RAPGEF3: variants seen among roughly 807,000 people sequenced by gnomAD.
RAPGEF3 encodes 9330170P05Rik.
Under a neutral mutation model 129.8 loss-of-function variants are expected in RAPGEF3, and 103 were observed. The ratio of observed to expected loss-of-function variants is 0.79; its 90% CI spans 0.68 to 0.93. The LOEUF is 0.93. RAPGEF3 is among the 40% of genes least tolerant of loss of function. RAPGEF3 has a pLI of 0.00. For missense variants in RAPGEF3, 1,117 were observed against 1,207.4 expected (o/e 0.93, Z 1.11); for synonymous variants, 436 against 482.6 (o/e 0.90, Z 1.26).
intron 16 of RAPGEF3, chr12:47,745,436 CA>C (rs1941374092): frequency 6.6e-6 from 1 of 152,422 alleles, no homozygotes; most frequent in Non-Finnish European, 1.5e-5. Flanking sequence ...GTCCTTGGCC[CA>C]GGGGGCCCTG....
At chr12:47,757,011 C>T (rs11168227) in intron 2 of RAPGEF3, among the ~76,000 whole-genome samples, 27,177 of 151,786 alleles carry the variant, frequency 0.18, 3,017 homozygotes, top group Admixed American at 0.33. Context: ...TGAACTCTCC[C>T]GGCCAAGCGC....
intron 2 of RAPGEF3, among the ~76,000 whole-genome samples, chr12:47,754,624 AG>A (rs1941947066): frequency 6.6e-6 from 1 of 152,250 alleles, no homozygotes; most frequent in Non-Finnish European, 1.5e-5. Context: ...AGGATCAAAA[AG>A]TTAATAATAT....
chr12:47,751,875 T>C, intron 3 of RAPGEF3, 41 bp downstream of exon 3: 1 of 1,614,090 alleles, frequency 6.2e-7, no homozygotes, highest in Non-Finnish European at 8.5e-7. Flanking sequence ...GAACCCCTCA[T>C]GGTGCTGCCT....
At position 47,749,969 on chromosome 12, in the gene RAPGEF3, C is replaced by T. The variant is rs767683493; in HGVS notation, c.778G>A (p.Val260Ile). 11 of 1,614,258 alleles carry T rather than the reference C, an allele frequency of 6.8e-6. No individual in the cohort carries two copies. In the Admixed American group the frequency reaches 1.5e-4, roughly 22 times the overall value. ...SNSVKRELAA[V>I]LLFEPHSKAG... ...TTGCTGTGTGGTTCAAAGAGCAGAA[C>T]AGCCGCTAATTCTCGCTTCACCTGT... Residue 260 changes from valine to isoleucine, a missense_variant, in exon 8 of 28, where the codon GTT (valine) becomes ATT (isoleucine). Around this residue, in one of 3 missense-constraint regions of RAPGEF3, gnomAD observed 367 missense variants for 373.4 expected, o/e 0.98. Transcript: ENST00000449771. This position sits in a 1 kb window ranked among gnomAD's most constrained non-coding sequence, Gnocchi z 4.5.
At chr12:47,747,662 C>T in intron 14 of RAPGEF3, 36 bp from the exon 15 acceptor site, 1 of 1,612,930 alleles carries the variant, frequency 6.2e-7, no homozygotes, top group Non-Finnish European at 8.5e-7. Flanking sequence ...ATGGCTGTAG[C>T]TGCATCCACC....
In RAPGEF3 at chr12:47,758,087, C is replaced by G. The variant is rs567409968; in HGVS notation, c.7-9G>C. On this transcript the variant is annotated splice_polypyrimidine_tract_variant and intron_variant, in intron 1 of 27. Coordinates refer to ENST00000449771, the MANE Select transcript of RAPGEF3 (RefSeq NM_001098531.4). ...TCACCTGGCCAGCCCACCTGTGACA[C>G]GGGGAGGAAAGTGGACAGCCATGGG... The G allele has an allele frequency of 5.8e-6, 9 of 1,556,542 alleles. No homozygotes were observed. In the East Asian group the frequency reaches 2.1e-4, roughly 37 times the overall value.
intron 2 of RAPGEF3, among the ~76,000 whole-genome samples, chr12:47,757,031 C>T (rs1056817598): frequency 6.6e-5 from 10 of 151,734 alleles, no homozygotes; most frequent in Admixed American, 2.0e-4. Context: ...CAGTGGGTCA[C>T]GCCTGTAATA....
rs1555187324 is a variant in RAPGEF3, at chr12:47,737,554, T to C, written c.*13A>G. 2.5e-6 allele frequency: 4 copies of C among 1,608,604 alleles called. No homozygotes were observed. Among genetic ancestry groups the C allele is most frequent in the Non-Finnish European group, 2.5e-6 (3 of 1,177,314 alleles). ...CTGCAAGTGCCTGCTCCAGCTCCAG[T>C]CCCAGCCCCTCCTCATGGCTCCAGC... On this transcript the variant is annotated 3_prime_UTR_variant, in exon 28 of 28. Transcript: ENST00000449771.
At chr12:47,756,697 G>A (rs569132787) in intron 2 of RAPGEF3, among the ~76,000 whole-genome samples, 1 of 152,314 alleles carries the variant, frequency 6.6e-6, no homozygotes, top group African/African-American at 2.4e-5. Context: ...TCGGCTAGGC[G>A]CAATGGCTCA....
chr12:47,741,360 C>T (rs1438457418), intron 19 of RAPGEF3, 145 bp downstream of exon 19: 19 of 796,118 alleles, frequency 2.4e-5, no homozygotes, highest in Non-Finnish European at 3.8e-5. Context: ...CAGCTGAGGC[C>T]CACTCCTTTG....
At position 47,735,171 on chromosome 12, in the gene RAPGEF3, C is replaced by T. The variant is rs1305854329; in HGVS notation, c.*2396G>A. 2 of 152,362 alleles carry T rather than the reference C, an allele frequency of 1.3e-5. No homozygotes were observed. The highest frequency in any genetic ancestry group is 2.4e-5 in the African/African-American group (1 of 41,536). 9.4% of individuals were successfully genotyped at this position (152,362 alleles called of 1,614,324 possible). ...TTGACCTCCTTTCAGGTAACAGAGG[C>T]TTTTTAAAGGACTGATCTAGGGCCA... On this transcript the variant is annotated 3_prime_UTR_variant, in exon 28 of 28. Transcript: ENST00000449771.
chr12:47,758,759 A>C lies in RAPGEF3; in HGVS notation c.-203T>G. On this transcript the variant is annotated 5_prime_UTR_variant, in exon 1 of 28. Transcript: ENST00000449771. The stretch of plus-strand genomic sequence containing the variant: ...GTGGAGAGGCTCCTCTTGGGTGAGT[A>C]GAGGGGTGGGGGCGTGGTGGGGGGA... 2 of 1,117,658 alleles carry C rather than the reference A, an allele frequency of 1.8e-6. No individual in the cohort carries two copies. The highest frequency in any genetic ancestry group is 2.2e-6 in the Non-Finnish European group (2 of 907,144). 69.2% of individuals were successfully genotyped at this position (1,117,658 alleles called of 1,614,324 possible).
chr12:47,751,309 C>T, intron 5 of RAPGEF3, 90 bp downstream of exon 5: 2 of 1,578,560 alleles, frequency 1.3e-6, no homozygotes, highest in Non-Finnish European at 1.7e-6. Flanking sequence ...CAGCACTCCC[C>T]AAGTAGTGCC....
chr12:47,749,747 A>G lies in RAPGEF3; in HGVS notation c.888T>C (p.His296=), dbSNP rs1941635137. The G allele has an allele frequency of 6.2e-7, 1 of 1,614,186 alleles. No individual in the cohort carries two copies. The highest frequency in any genetic ancestry group is 8.5e-7 in the Non-Finnish European group (1 of 1,180,028). Residue 296 remains histidine (H), a synonymous_variant, in exon 9 of 28, where the codon CAT becomes CAC. Transcript: ENST00000449771. This position sits in a 1 kb window ranked among gnomAD's most constrained non-coding sequence, Gnocchi z 4.5. ...GGGAGGAGGGAGGGCTCACCTTGCC[A>G]TGGGTCACCACGTTGACAGATCCCT... ...IWKGSVNVVT[H]GKGLVTTLHE... is the part of the protein sequence containing the mutation.
intron 13 of RAPGEF3, 25 bp downstream of exon 13, chr12:47,748,049 C>T: frequency 1.3e-6 from 2 of 1,563,240 alleles, no homozygotes; most frequent in Non-Finnish European, 1.7e-6. Flanking sequence ...CCATGCACAC[C>T]ATCCCCCTGG....
At chr12:47,755,739 G>A (rs1301874795) in intron 2 of RAPGEF3, 1 of 152,236 alleles carries the variant, frequency 6.6e-6, no homozygotes, top group Non-Finnish European at 1.5e-5. Context: ...CTTCTTCTCT[G>A]GGAGGTTGAT....
intron 2 of RAPGEF3, among the ~76,000 whole-genome samples, chr12:47,755,360 A>G (rs143082082): frequency 2.0e-5 from 3 of 152,358 alleles, no homozygotes; most frequent in Admixed American, 6.5e-5. Context: ...TGTCTGGCAC[A>G]TAAGTACTGT....
At position 47,734,721 on chromosome 12, in the gene RAPGEF3, G is replaced by T. The variant is rs2240080; in HGVS notation, c.*2846C>A. 33,409 of 152,252 alleles carry T rather than the reference G, an allele frequency of 0.22. 4,470 individuals are homozygous for T. Among genetic ancestry groups the T allele is most frequent in the Middle Eastern group, 0.31 (91 of 294 alleles). 9.4% of individuals were successfully genotyped at this position (152,252 alleles called of 1,614,324 possible). ...GGTAAATCTTGTGACTATTGGGAAG[G>T]AGAGCAGCCAGAGGCTGAGGGCTGT... is the stretch of plus-strand genomic sequence containing the variant. On this transcript the variant is annotated 3_prime_UTR_variant, in exon 28 of 28. Coordinates refer to ENST00000449771, the MANE Select transcript of RAPGEF3 (RefSeq NM_001098531.4).
Position 47,758,649 on chromosome 12 carries a change from G to A in RAPGEF3, c.-93C>T, listed in dbSNP as rs78616585. 146,741 of 1,586,344 alleles carry A rather than the reference G, an allele frequency of 0.093. 7,609 individuals are homozygous for A. Among genetic ancestry groups the A allele is most frequent in the Middle Eastern group, 0.14 (849 of 5,916 alleles). The stretch of plus-strand genomic sequence containing the variant: ...ATCAGCTTTGATAAGGGGATCCGGA[G>A]GGTGCCAGTGGGTAAGTCCAGGTAC... On this transcript the variant is annotated 5_prime_UTR_variant, in exon 1 of 28. Coordinates refer to ENST00000449771, the MANE Select transcript of RAPGEF3 (RefSeq NM_001098531.4).
Sources: gnomAD v4.1 joint callset for allele counts (sites outside exome capture counted in the v4.1 genomes callset) on GRCh38, gnomAD v4.1.1 for gene constraint, gnomAD v4.1.1 regional missense constraint, Gnocchi (gnomAD v3.1) non-coding constraint, MANE v1.5 for transcripts, NCBI Gene and HGNC (gene_info 2026-07-23, HGNC 2026-07-21) for gene names.